Variants in PTPDC1 observed in about 807,000 individuals in gnomAD.
PTPDC1 encodes protein tyrosine phosphatase domain containing 1, also known as protein tyrosine phosphatase domain-containing protein 1.
In PTPDC1, 53 loss-of-function variants were observed where a neutral mutation model predicts 75.3. The observed-to-expected ratio is 0.70, with a 90% CI of 0.56 to 0.88. The LOEUF is 0.88. PTPDC1 is among the 40% of genes least tolerant of loss of function. The probability of loss-of-function intolerance (pLI) is 0.00; values close to 1 mark genes in which losing one functional copy is unlikely to be tolerated. For missense variants in PTPDC1, 925 were observed against 998.6 expected (o/e 0.93, Z 0.99); for synonymous variants, 349 against 366.2 (o/e 0.95, Z 0.54).
At chr9:94,082,091 A>G (rs1195605938), upstream of PTPDC1, among the ~76,000 whole-genome samples, 2 of 152,218 alleles carry the variant, frequency 1.3e-5, no homozygotes, top group Non-Finnish European at 2.9e-5. Context: ...AGCCTAAGCA[A>G]CAAAGTGAGA....
upstream of PTPDC1, among the ~76,000 whole-genome samples, chr9:94,079,866 A>C (rs1289798969): frequency 6.6e-6 from 1 of 152,114 alleles, no homozygotes; most frequent in African/African-American, 2.4e-5. Context: ...TGGCTTGCCT[A>C]AGTGTGGAAT....
At chr9:94,060,132 T>A (rs754479397) in intron 1 of PTPDC1, among the ~76,000 whole-genome samples, 2 of 152,230 alleles carry the variant, frequency 1.3e-5, no homozygotes, top group Non-Finnish European at 2.9e-5. Context: ...ATGTATCATC[T>A]GGGAAGCTAT....
Position 94,098,534 on chromosome 9 carries a change from A to G in PTPDC1, c.1968A>G (p.Glu656=). The change falls in exon 6 of 9, where the codon GAA becomes GAG. Residue 656 remains glutamate, a synonymous_variant. Coordinates refer to ENST00000620992, the MANE Select transcript of PTPDC1 (RefSeq NM_001253829.2). ...CCAAAGCCCTAGCAAATTTAAATGA[A>G]TCTGTAGAAAAGGAGGAACTAAAAA... ...LAAKALANLN[E]SVEKEELKRK... 6.2e-7 allele frequency: 1 copy of G among 1,614,210 alleles called. No individual in the cohort carries two copies. The highest frequency in any genetic ancestry group is 2.2e-5 in the East Asian group (1 of 44,892).
chr9:94,088,895 A>C (rs1239821066), intron 4 of PTPDC1, among the ~76,000 whole-genome samples: 2 of 152,182 alleles, frequency 1.3e-5, no homozygotes, highest in Non-Finnish European at 2.9e-5. Context: ...GCTATTTATC[A>C]GTCATTTAGA....
intron 1 of PTPDC1, among the ~76,000 whole-genome samples, chr9:94,062,211 T>A (rs1023687255): frequency 6.6e-6 from 1 of 152,204 alleles, no homozygotes; most frequent in Non-Finnish European, 1.5e-5. Context: ...AGCCAAGCTC[T>A]TTGCCAAGGT....
chr9:94,067,945 T>C (rs1215367351), intron 2 of PTPDC1, among the ~76,000 whole-genome samples: 1 of 152,212 alleles, frequency 6.6e-6, no homozygotes, highest in African/African-American at 2.4e-5. Flanking sequence ...CTCTTTTTCC[T>C]TACAGTTTAT....
At chr9:94,096,983 G>GAGGATAGA (rs1827595758) in intron 5 of PTPDC1, among the ~76,000 whole-genome samples, 1 of 152,112 alleles carries the variant, frequency 6.6e-6, no homozygotes, top group African/African-American at 2.4e-5. Context: ...GTAGAACAAG[G>GAGGATAGA]AGGATAGATG....
At chr9:94,091,729 G>A (rs1456420774) in intron 4 of PTPDC1, among the ~76,000 whole-genome samples, 1 of 152,092 alleles carries the variant, frequency 6.6e-6, no homozygotes, top group Non-Finnish European at 1.5e-5. Context: ...CTTTTTGGTT[G>A]GTAAGCTATT....
At chr9:94,035,846 G>A (rs1460781510) in intron 1 of PTPDC1, among the ~76,000 whole-genome samples, 1 of 151,944 alleles carries the variant, frequency 6.6e-6, no homozygotes, top group Non-Finnish European at 1.5e-5. Flanking sequence ...CCTATCTTTT[G>A]ACTTACTGGT....
intron 1 of PTPDC1, among the ~76,000 whole-genome samples, chr9:94,038,565 C>T (rs750412659): frequency 2.0e-5 from 3 of 152,300 alleles, no homozygotes; most frequent in South Asian, 2.1e-4. Context: ...AATGCTATCA[C>T]TGTTTACCCC....
chr9:94,039,283 TTATAGTC>T (rs921991975), intron 1 of PTPDC1, among the ~76,000 whole-genome samples: 9 of 152,164 alleles, frequency 5.9e-5, no homozygotes, highest in Non-Finnish European at 1.2e-4. Flanking sequence ...CTAAATGTCT[TTATAGTC>T]TATGAGAAAT....
intron 1 of PTPDC1, among the ~76,000 whole-genome samples, chr9:94,053,298 T>C (rs544445349): frequency 5.9e-5 from 9 of 151,708 alleles, no homozygotes; most frequent in Non-Finnish European, 1.0e-4. Flanking sequence ...TTGAGGGGTC[T>C]GAAAAAAGAA....
At chr9:94,050,821 C>G (rs1342533040) in intron 1 of PTPDC1, among the ~76,000 whole-genome samples, 1 of 152,232 alleles carries the variant, frequency 6.6e-6, no homozygotes, top group African/African-American at 2.4e-5. Flanking sequence ...GTGGAGTCTA[C>G]AGAGGCAGGC....
intron 1 of PTPDC1, among the ~76,000 whole-genome samples, chr9:94,045,876 T>C (rs1304529190): frequency 4.6e-5 from 7 of 152,326 alleles, no homozygotes; most frequent in African/African-American, 1.7e-4. Context: ...ATTTTGGCTT[T>C]TGTTGCCATT....
At chr9:94,036,591 G>A (rs749233582) in intron 1 of PTPDC1, among the ~76,000 whole-genome samples, 28 of 152,074 alleles carry the variant, frequency 1.8e-4, no homozygotes, top group Non-Finnish European at 3.7e-4. Flanking sequence ...ATATTAACCC[G>A]TAACTTTTTG....
At chr9:94,085,944 A>G (rs1827060758) in intron 2 of PTPDC1, among the ~76,000 whole-genome samples, 1 of 152,196 alleles carries the variant, frequency 6.6e-6, no homozygotes, top group African/African-American at 2.4e-5. Context: ...ATGGTGTATA[A>G]GTGAAATTAA....
At chr9:94,065,333 C>T (rs959700267) in intron 2 of PTPDC1, among the ~76,000 whole-genome samples, 2 of 152,244 alleles carry the variant, frequency 1.3e-5, no homozygotes, top group Non-Finnish European at 2.9e-5. Context: ...CTCCCTGCTT[C>T]TGCTTTAGAT....
chr9:94,087,839 A>T lies in PTPDC1; in HGVS notation c.425A>T (p.Asp142Val). Reference sequence around the variant, plus strand: ...CCTCCACCTATTTGCAGGGTCACTGATAATATACTGGCCATGGCCCGCCCA... The same window carrying T: ...CCTCCACCTATTTGCAGGGTCACTGTTAATATACTGGCCATGGCCCGCCCA... ...IKGVYSSWVT[D>V]NILAMARPSS... The change falls in exon 3 of 9, where the codon GAT becomes GTT. Residue 142 changes from aspartate (D) to valine (V), a missense_variant. Coordinates refer to ENST00000620992, the MANE Select transcript of PTPDC1 (RefSeq NM_001253829.2). 1 of 1,613,372 alleles carries T rather than the reference A, an allele frequency of 6.2e-7. No individual in the cohort carries two copies. Among genetic ancestry groups the T allele is most frequent in the South Asian group, 1.1e-5 (1 of 91,048 alleles).
chr9:94,038,021 G>T (rs563974658), intron 1 of PTPDC1: 1 of 406,354 alleles, frequency 2.5e-6, no homozygotes, highest in South Asian at 2.5e-5. Flanking sequence ...CGACAAAAAA[G>T]AATTAAATAT....
Sources: allele counts gnomAD v4.1 joint callset (sites outside exome capture counted in the v4.1 genomes callset), GRCh38; gene constraint gnomAD v4.1.1; transcripts MANE v1.5; gene names NCBI Gene and HGNC (gene_info 2026-07-23, HGNC 2026-07-21).